Variants in SETD9 observed in about 807,000 individuals in gnomAD.
The protein encoded by SETD9 is SET domain-containing protein 9.
In SETD9, 37 loss-of-function variants were observed where a neutral mutation model predicts 36.4. The observed-to-expected ratio is 1.02, with a 90% CI of 0.78 to 1.34. SETD9 has a LOEUF of 1.34. Ranked by LOEUF, SETD9 falls within the 40% of genes most tolerant of loss-of-function variation. The probability of loss-of-function intolerance (pLI) is 0.00; values close to 1 mark genes in which losing one functional copy is unlikely to be tolerated. For missense variants in SETD9, 323 were observed against 353.2 expected, an observed-to-expected ratio of 0.91 and a Z score of 0.69; for synonymous variants, 128 against 132.9, an observed-to-expected ratio of 0.96 and a Z score of 0.26.
chr5:56,911,177 GAT>G lies in SETD9; in HGVS notation c.110_111del (p.Tyr37CysfsTer13). 1.3e-6 allele frequency: 2 copies of G among 1,540,802 alleles called. No homozygotes were observed. Among genetic ancestry groups the G allele is most frequent in the Non-Finnish European group, 1.7e-6 (2 of 1,148,926 alleles). ...ACTTTTCCCATTTTCAGGACCCTCC[GAT>G]ATGTTCCAGAGGAATCCAAAGACAA... is the stretch of plus-strand genomic sequence containing the variant. On this transcript the variant is annotated frameshift_variant, in exon 2 of 6. Transcript: ENST00000285947. LOFTEE classifies it high-confidence loss of function.
At chr5:56,922,708 G>C (rs1749730117) in intron 5 of SETD9, 1 of 172,570 alleles carries the variant, frequency 5.8e-6, no homozygotes, top group South Asian at 1.4e-4. Flanking sequence ...TACGGCAAAA[G>C]GAATTTACAC....
downstream of SETD9, among the ~76,000 whole-genome samples, chr5:56,918,809 G>GCAT (rs897821667): frequency 3.3e-5 from 5 of 152,150 alleles, no homozygotes; most frequent in Non-Finnish European, 7.4e-5. Flanking sequence ...GCTGATCACT[G>GCAT]CATCTTAAAA....
At position 56,911,039 on chromosome 5, in the gene SETD9, T is replaced by TA. The variant is rs1162419583; in HGVS notation, c.99-129dup. Reference sequence around the variant, plus strand: ...CCCTCAAACAATTCTTTTCTGAACTTAGTTTCCAGCCCTCCACACACATGA... The same window carrying TA: ...CCCTCAAACAATTCTTTTCTGAACTTAAGTTTCCAGCCCTCCACACACATGA... On this transcript the variant is annotated intron_variant, in intron 1 of 5. Transcript: ENST00000285947. 8 of 1,058,946 alleles carry TA rather than the reference T, an allele frequency of 7.6e-6. No individual in the cohort carries two copies. The African/African-American group carries it at 8.0e-5, about 11-fold the overall frequency. The allele number at this position is 1,058,946 out of a possible 1,614,324, so 65.6% of individuals were successfully genotyped here. A position where few individuals can be genotyped will look rare whatever the true frequency, so the allele number is the denominator to read the frequency against.
chr5:56,925,919 A>C (rs1383687358), downstream of SETD9, among the ~76,000 whole-genome samples: 1 of 152,128 alleles, frequency 6.6e-6, no homozygotes, highest in Admixed American at 6.6e-5. Flanking sequence ...AAGGAACAGA[A>C]GAGAGAGCCC....
chr5:56,918,677 CT>C (rs1749525940), downstream of SETD9, among the ~76,000 whole-genome samples: 1 of 152,118 alleles, frequency 6.6e-6, no homozygotes, highest in African/African-American at 2.4e-5. Context: ...TGCTAAGGTC[CT>C]TTCGTGTCTG....
At position 56,917,265 on chromosome 5, in the gene SETD9, T is replaced by G; in HGVS notation, c.*363T>G. The G allele has an allele frequency of 9.7e-7, 1 of 1,031,414 alleles. No homozygotes were observed. The highest frequency in any genetic ancestry group is 4.7e-4 in the Middle Eastern group (1 of 2,122). 63.9% of individuals were successfully genotyped at this position (1,031,414 alleles called of 1,614,324 possible). ...AGCCAGGCATCAGCAGTTCTTGTAG[T>G]ACTGCTGATGTGTACAAACTTCTGT... On this transcript the variant is annotated 3_prime_UTR_variant, in exon 6 of 6. Transcript: ENST00000285947.
At chr5:56,920,517 CATT>C (rs941657434), downstream of SETD9, 2 of 152,376 alleles carry the variant, frequency 1.3e-5, no homozygotes, top group African/African-American at 4.8e-5. Flanking sequence ...ATAATAAAGG[CATT>C]ATTGTTTCTT....
intron 5 of SETD9, among the ~76,000 whole-genome samples, chr5:56,916,391 CA>C (rs1027333169): frequency 6.6e-6 from 1 of 151,098 alleles, no homozygotes; most frequent in South Asian, 2.1e-4. Context: ...GATTCCATCT[CA>C]AAAAAAACAA....
rs561753160 is a variant in SETD9, at chr5:56,912,927, A to G, written c.467-84A>G. The G allele has an allele frequency of 5.0e-6, 7 of 1,401,650 alleles. No individual in the cohort carries two copies. In the East Asian group the frequency reaches 1.6e-4, roughly 33 times the overall value. 86.8% of individuals were successfully genotyped at this position (1,401,650 alleles called of 1,614,324 possible). A position where few individuals can be genotyped will look rare whatever the true frequency, so the allele number is the denominator to read the frequency against. The stretch of plus-strand genomic sequence containing the variant: ...GGAGAAAGTAACTAAAGAGAATGTG[A>G]TTATATTCCAAAGAAGGGTTCTTAT... On this transcript the variant is annotated intron_variant, in intron 2 of 5. Transcript: ENST00000285947.
Position 56,917,020 on chromosome 5 carries a change from G to T in SETD9, c.*118G>T. ...AATATTTTGAGACTTAATTGGAATA[G>T]GAATTTCTTATGTTTTTGTTGATAT... On this transcript the variant is annotated 3_prime_UTR_variant, in exon 6 of 6. Transcript: ENST00000285947. The T allele has an allele frequency of 3.7e-6, 5 of 1,353,846 alleles. No homozygotes were observed. The highest frequency in any genetic ancestry group is 2.4e-4 in the Middle Eastern group (1 of 4,132). 83.9% of individuals were successfully genotyped at this position (1,353,846 alleles called of 1,614,324 possible).
downstream of SETD9, chr5:56,927,902 A>C (rs1486160354): frequency 3.3e-5 from 5 of 152,186 alleles, no homozygotes; most frequent in African/African-American, 9.7e-5. Flanking sequence ...CCCTGGCACC[A>C]GTGATCTTTT....
intron 1 of SETD9, 117 bp from the exon 2 acceptor site, chr5:56,911,052 T>A: frequency 4.1e-6 from 5 of 1,222,808 alleles, no homozygotes; most frequent in Non-Finnish European, 5.6e-6. Flanking sequence ...TTTCCAGCCC[T>A]CCACACACAT....
intron 5 of SETD9, chr5:56,923,645 A>G (rs756654751): frequency 1.3e-5 from 21 of 1,613,380 alleles, no homozygotes; most frequent in Non-Finnish European, 1.8e-5. Context: ...CAGAGGACAC[A>G]ATTTTGCAAC....
downstream of SETD9, among the ~76,000 whole-genome samples, chr5:56,918,092 C>T (rs576796187): frequency 3.3e-5 from 5 of 152,010 alleles, no homozygotes; most frequent in African/African-American, 4.8e-5. Flanking sequence ...TATTGACATA[C>T]GTCTGCTCAA....
intron 5 of SETD9, chr5:56,923,439 C>A: frequency 6.2e-7 from 1 of 1,614,194 alleles, no homozygotes; most frequent in South Asian, 1.1e-5. Flanking sequence ...TCACTTTCCC[C>A]ATTGCTGGGC....
chr5:56,913,951 C>T lies in SETD9; in HGVS notation c.668C>T (p.Pro223Leu). ...TGGCTAACGTCAGAAATTCATAACC[C>T]TCTGGCTGTGGGACAGTATGTCAAC... ...STWLTSEIHN[P>L]LAVGQYVNNC... Residue 223 changes from proline (P) to leucine (L), a missense_variant, in exon 4 of 6, where the codon CCT becomes CTT. Physicochemically the swap from Pro to Leu is moderately conservative, Grantham distance 98. Transcript: ENST00000285947. 3 of 1,613,876 alleles carry T rather than the reference C, an allele frequency of 1.9e-6. No individual in the cohort carries two copies. The highest frequency in any genetic ancestry group is 1.7e-6 in the Non-Finnish European group (2 of 1,179,850).
intron 2 of SETD9, among the ~76,000 whole-genome samples, chr5:56,912,710 AAT>A (rs948766773): frequency 6.6e-6 from 1 of 152,080 alleles, no homozygotes; most frequent in African/African-American, 2.4e-5. Flanking sequence ...ATTCTACTTA[AAT>A]ATATATGTGT....
chr5:56,911,405 C>G lies in SETD9; in HGVS notation c.335C>G (p.Pro112Arg). Residue 112 changes from proline to arginine, a missense_variant, in exon 2 of 6, where the codon CCA (proline) becomes CGA (arginine). Physicochemically the swap from Pro to Arg is moderately radical, Grantham distance 103. Coordinates refer to ENST00000285947, the MANE Select transcript of SETD9 (RefSeq NM_153706.4). Reference protein sequence around the residue: ...NRHQQQSTFKPEEILYKTLGF... With the variant: ...NRHQQQSTFKREEILYKTLGF... ...CATCAACAGCAAAGTACCTTTAAAC[C>G]AGAAGAAATTCTTTACAAGACTTTG... 2.5e-6 allele frequency: 4 copies of G among 1,613,676 alleles called. No individual in the cohort carries two copies. The highest frequency in any genetic ancestry group is 1.3e-5 in the African/African-American group (1 of 75,012).
At chr5:56,920,644 T>C (rs935331530), downstream of SETD9, 11 of 152,054 alleles carry the variant, frequency 7.2e-5, no homozygotes, top group African/African-American at 2.7e-4. Context: ...ACCCAGTAAA[T>C]CCAGCTTTTA....
Sources: gnomAD v4.1 joint callset for allele counts (sites outside exome capture counted in the v4.1 genomes callset) on GRCh38, gnomAD v4.1.1 for gene constraint, MANE v1.5 for transcripts, NCBI Gene and HGNC (gene_info 2026-07-23, HGNC 2026-07-21) for gene names.